The following SORL1 variants were observed in gnomAD, a reference collection of about 807,000 sequenced individuals.
SORL1 encodes sortilin-related receptor.
Under a neutral mutation model 273.7 loss-of-function variants are expected in SORL1, and 127 were observed. That is an observed-to-expected ratio of 0.46 (90% CI 0.40 to 0.54). The LOEUF (loss-of-function observed/expected upper bound fraction) is 0.54, where lower values mean the gene tolerates loss of function less well. Among genes scored for constraint, SORL1 ranks in the 20% least tolerant of loss-of-function variants. The probability of loss-of-function intolerance (pLI) is 0.00; values close to 1 mark genes in which losing one functional copy is unlikely to be tolerated. For synonymous variants in SORL1, 1,031 were observed against 1,067.4 expected, an observed-to-expected ratio of 0.97 and a Z score of 0.66; for missense variants, 2,494 against 2,846.1, an observed-to-expected ratio of 0.88 and a Z score of 2.81.
At chr11:121,555,161 A>G (rs759865155) in intron 17 of SORL1, 26 bp from the exon 18 acceptor site, 2 of 1,607,218 alleles carry the variant, frequency 1.2e-6, no homozygotes, top group Non-Finnish European at 1.7e-6. Context: ...AGTTCCTAGC[A>G]TTTATTATTA....
At chr11:121,524,065 T>C (rs597227) in intron 11 of SORL1, among the ~76,000 whole-genome samples, 149,116 of 152,330 alleles carry the variant, frequency 0.98, 73,075 homozygotes, top group Middle Eastern at 1. Context: ...CTGTATGTGG[T>C]GAACGCAAAT....
intron 27 of SORL1, 46 bp from the exon 28 acceptor site, chr11:121,587,974 C>T: frequency 6.2e-7 from 1 of 1,607,040 alleles, no homozygotes; most frequent in Non-Finnish European, 8.5e-7. Flanking sequence ...AGGGCCCAGC[C>T]AGCCGCAGTG....
In SORL1 at chr11:121,607,274, C is replaced by A; in HGVS notation, c.5150C>A (p.Thr1717Asn). Residue 1717 changes from threonine (T) to asparagine (N), a missense_variant, in exon 37 of 48, where the codon ACT becomes AAT. Transcript: ENST00000260197. ...GAAATCAAGAACTTATTGGTCAACA[C>A]TCTATACACCGTCAGAGTGAGTGTC... is the stretch of plus-strand genomic sequence containing the variant. Reference protein sequence around the residue: ...FTEIKNLLVNTLYTVRVAAVT... With the variant: ...FTEIKNLLVNNLYTVRVAAVT... The A allele has an allele frequency of 6.3e-7, 1 of 1,591,974 alleles. No individual in the cohort carries two copies. The highest frequency in any genetic ancestry group is 8.6e-7 in the Non-Finnish European group (1 of 1,160,000).
At chr11:121,521,118 C>G (rs999196307) in intron 9 of SORL1, among the ~76,000 whole-genome samples, 4 of 150,926 alleles carry the variant, frequency 2.7e-5, no homozygotes, top group Admixed American at 2.0e-4. Flanking sequence ...TTAGTTAGAC[C>G]ATTACTTGGT....
chr11:121,481,488 C>G (rs960978020), intron 3 of SORL1, among the ~76,000 whole-genome samples: 2 of 107,018 alleles, frequency 1.9e-5, no homozygotes, highest in African/African-American at 8.5e-5. Context: ...TCCCCTAGTG[C>G]ACAGATACCT....
At chr11:121,460,814 G>A (rs1375779237) in intron 1 of SORL1, among the ~76,000 whole-genome samples, 1 of 152,132 alleles carries the variant, frequency 6.6e-6, no homozygotes, top group East Asian at 1.9e-4. Context: ...GGGGACTGTG[G>A]CTGGGAAGAC....
chr11:121,556,495 T>G, intron 18 of SORL1, among the ~76,000 whole-genome samples: 1 of 152,210 alleles, frequency 6.6e-6, no homozygotes, highest in Non-Finnish European at 1.5e-5. Flanking sequence ...GGTTATGTTA[T>G]TGCTCTTTCT....
At chr11:121,457,558 G>A (rs1022468620) in intron 1 of SORL1, among the ~76,000 whole-genome samples, 1 of 152,142 alleles carries the variant, frequency 6.6e-6, no homozygotes, top group Non-Finnish European at 1.5e-5. Context: ...AATTATATTT[G>A]TGATATTATG....
intron 18 of SORL1, 189 bp from the exon 19 acceptor site, chr11:121,557,125 T>G: frequency 1.0e-5 from 6 of 595,766 alleles, no homozygotes; most frequent in East Asian, 2.8e-5. Context: ...AATTGTCCCA[T>G]GAGTCAGAGG....
chr11:121,543,145 C>A (rs1300031804), intron 12 of SORL1, among the ~76,000 whole-genome samples: 3 of 149,540 alleles, frequency 2.0e-5, no homozygotes, highest in Non-Finnish European at 4.4e-5. Context: ...GAGCCGAGAT[C>A]ATGCCACTGC....
Position 121,577,356 on chromosome 11 carries a change from G to A in SORL1, c.3536G>A (p.Gly1179Glu). 1 of 1,613,572 alleles carries A rather than the reference G, an allele frequency of 6.2e-7. No homozygotes were observed. The highest frequency in any genetic ancestry group is 1.7e-5 in the Admixed American group (1 of 59,934). The change falls in exon 25 of 48, where the codon GGG becomes GAG. Residue 1179 changes from glycine (G) to glutamate (E), a missense_variant. Coordinates refer to ENST00000260197, the MANE Select transcript of SORL1 (RefSeq NM_003105.6). ...MCIRSSWVCD[G>E]DNDCRDWSDE... ...ATCCGCTCCTCCTGGGTATGTGACG[G>A]GGACAACGACTGCAGGGACTGGTCT...
Position 121,608,093 on chromosome 11 carries a change from G to A in SORL1, c.5167-11G>A. The A allele has an allele frequency of 6.2e-7, 1 of 1,611,004 alleles. No homozygotes were observed. Among genetic ancestry groups the A allele is most frequent in the Non-Finnish European group, 8.5e-7 (1 of 1,177,212 alleles). ...TTTATTTCATATTAATTCACCCTCTGATTTGAAAAGGTGGCTGCGGTGACT... is the reference window on the plus strand; with the variant it reads ...TTTATTTCATATTAATTCACCCTCTAATTTGAAAAGGTGGCTGCGGTGACT... On this transcript the variant is annotated splice_polypyrimidine_tract_variant and intron_variant, in intron 37 of 47. Transcript: ENST00000260197.
chr11:121,581,972 A>G lies in SORL1; in HGVS notation c.3581-1486A>G, dbSNP rs183109634. ...GGCGATGGCTGTTACTGGGGCAGAAACTCATGTAACATGCATGATACATTT... is the reference window on the plus strand; with the variant it reads ...GGCGATGGCTGTTACTGGGGCAGAAGCTCATGTAACATGCATGATACATTT... On this transcript the variant is annotated intron_variant, in intron 25 of 47. Transcript: ENST00000260197. Among the ~76,000 whole-genome samples, 53 of 152,350 alleles carry G rather than the reference A, an allele frequency of 3.5e-4. No individual in the cohort carries two copies. The East Asian group carries it at 0.01, about 29-fold the overall frequency.
intron 3 of SORL1, among the ~76,000 whole-genome samples, chr11:121,480,277 C>T (rs1861351953): frequency 2.0e-5 from 3 of 152,038 alleles, no homozygotes; most frequent in African/African-American, 7.3e-5. Context: ...TTATGTTCTA[C>T]ATGATAAATA....
intron 41 of SORL1, among the ~76,000 whole-genome samples, chr11:121,618,552 G>A (rs1038601423): frequency 2.6e-5 from 4 of 152,202 alleles, no homozygotes; most frequent in Non-Finnish European, 4.4e-5. Context: ...CAGAAGGAGC[G>A]CTTTGAGGAC....
intron 22 of SORL1, 65 bp from the exon 23 acceptor site, chr11:121,570,092 C>A: frequency 1.9e-6 from 2 of 1,041,630 alleles, no homozygotes; most frequent in South Asian, 3.0e-5. Flanking sequence ...AAGAGAAAGA[C>A]CTGTGGTCCA....
chr11:121,502,176 CT>C (rs1197928014), intron 6 of SORL1, among the ~76,000 whole-genome samples: 2 of 124,428 alleles, frequency 1.6e-5, no homozygotes, highest in African/African-American at 6.2e-5. Flanking sequence ...CACTCTGTCG[CT>C]CAGGCTGGAG....
In SORL1 at chr11:121,550,083, G is replaced by T. The variant is rs774416406; in HGVS notation, c.2175G>T (p.Thr725=). ...PCPVGSTYRR[T]RGYRKISGDT... is the part of the protein sequence containing the mutation. ...CTGTGGGTTCTACTTACAGGAGAAC[G>T]AGAGGGTATGTATCACAGAGGTTGC... Residue 725 remains threonine, a synonymous_variant, in exon 15 of 48, where the codon ACG becomes ACT. Coordinates refer to ENST00000260197, the MANE Select transcript of SORL1 (RefSeq NM_003105.6). This position sits in a 1 kb window ranked among gnomAD's most constrained non-coding sequence, Gnocchi z 5.3. 1.9e-6 allele frequency: 3 copies of T among 1,612,954 alleles called. No homozygotes were observed. The highest frequency in any genetic ancestry group is 1.1e-5 in the South Asian group (1 of 90,942).
At chr11:121,575,375 T>G (rs543914348) in intron 24 of SORL1, among the ~76,000 whole-genome samples, 2 of 152,302 alleles carry the variant, frequency 1.3e-5, no homozygotes, top group South Asian at 2.1e-4. Context: ...GATTGAGGCA[T>G]GAGAGGGAAG....
Sources: allele counts gnomAD v4.1 joint callset (sites outside exome capture counted in the v4.1 genomes callset), GRCh38; gene constraint gnomAD v4.1.1; non-coding constraint Gnocchi (gnomAD v3.1); transcripts MANE v1.5; gene names NCBI Gene and HGNC (gene_info 2026-07-23, HGNC 2026-07-21).